Variants in KPNB1 observed in about 807,000 individuals in gnomAD.
KPNB1 encodes karyopherin subunit beta 1.
A neutral mutation model predicts 113.0 loss-of-function variants in KPNB1; 7 were observed. That is an observed-to-expected ratio of 0.06 (90% confidence interval 0.04 to 0.12). The LOEUF (loss-of-function observed/expected upper bound fraction) is 0.12, where lower values mean the gene tolerates loss of function less well. Ranked by LOEUF, KPNB1 falls within the 10% of genes least tolerant of loss-of-function variation. The pLI, the probability that KPNB1 is intolerant of heterozygous loss-of-function variation, is 1.00. For missense variants in KPNB1, 400 were observed against 1,054.8 expected, an observed-to-expected ratio of 0.38 and a Z score of 8.60; for synonymous variants, 363 against 378.6, an observed-to-expected ratio of 0.96 and a Z score of 0.48.
At chr17:47,679,101 T>C (rs920079849) in intron 19 of KPNB1, among the ~76,000 whole-genome samples, 16 of 150,456 alleles carry the variant, frequency 1.1e-4, no homozygotes, top group Non-Finnish European at 2.4e-4. Flanking sequence ...TTTTTTTTTG[T>C]ATTTTAGTAG....
intron 3 of KPNB1, among the ~76,000 whole-genome samples, chr17:47,653,795 T>C (rs561366193): frequency 5.9e-5 from 9 of 152,332 alleles, no homozygotes; most frequent in African/African-American, 2.2e-4. Flanking sequence ...GTTGTGTACC[T>C]CCTTCTGTCA....
rs1347404686 is a variant in KPNB1 at position 47,650,130 on chromosome 17, C to A, written c.-115C>A. On this transcript the variant is annotated 5_prime_UTR_variant, in exon 1 of 22. Coordinates refer to ENST00000290158, the MANE Select transcript of KPNB1 (RefSeq NM_002265.6). ...GAATGGGTTTGTGGTGACCCCCGCCCCCCACCCCACCCTCCCTTCCCACCC... is the reference window on the plus strand; with the variant it reads ...GAATGGGTTTGTGGTGACCCCCGCCACCCACCCCACCCTCCCTTCCCACCC... The A allele has an allele frequency of 4.3e-6, 2 of 461,282 alleles. No individual in the cohort carries two copies. The highest frequency in any genetic ancestry group is 6.1e-6 in the Non-Finnish European group (2 of 330,046). The allele number at this position is 461,282 out of a possible 1,614,324, so 28.6% of individuals were successfully genotyped here. A position where few individuals can be genotyped will look rare whatever the true frequency, so the allele number is the denominator to read the frequency against.
At position 47,654,415 on chromosome 17, in the gene KPNB1, T is replaced by TAAA. The variant is rs374274253; in HGVS notation, c.282+1559_282+1561dup. Among the ~76,000 whole-genome samples the TAAA allele has an allele frequency of 9.2e-5, 11 of 119,880 alleles. No homozygotes were observed. In the South Asian group the frequency reaches 1.0e-3, roughly 11 times the overall value. 78.6% of individuals were successfully genotyped at this position (119,880 alleles called of 152,430 possible). On this transcript the variant is annotated intron_variant, in intron 3 of 21. Transcript: ENST00000290158. ...GGTGACAGAGTGACACTCCATTTCTTAAAAAAAAAAAAAAAAAAAAAATTA... is the reference window on the plus strand; with the variant it reads ...GGTGACAGAGTGACACTCCATTTCTTAAAAAAAAAAAAAAAAAAAAAAAAATTA...
intron 2 of KPNB1, among the ~76,000 whole-genome samples, chr17:47,652,232 A>G (rs1915599945): frequency 6.6e-6 from 1 of 152,174 alleles, no homozygotes; most frequent in African/African-American, 2.4e-5. Flanking sequence ...TTTTGGGACC[A>G]AGGTTTTTGA....
chr17:47,675,363 T>TTTTTTG (rs2030571637), intron 15 of KPNB1, among the ~76,000 whole-genome samples: 1 of 112,416 alleles, frequency 8.9e-6, no homozygotes, highest in African/African-American at 4.0e-5. Context: ...GAGGTGTTGT[T>TTTTTTG]TTTTTTTTGT....
chr17:47,681,686 G>GTTTT (rs59222945), intron 21 of KPNB1, among the ~76,000 whole-genome samples: 68 of 96,042 alleles, frequency 7.1e-4, no homozygotes, highest in Non-Finnish European at 8.9e-4. Context: ...GGAATTATAG[G>GTTTT]TTTTTTTTTT....
chr17:47,669,630 T>A, intron 10 of KPNB1, 48 bp from the exon 11 acceptor site: 1 of 1,406,446 alleles, frequency 7.1e-7, no homozygotes, highest in Non-Finnish European at 9.9e-7. Context: ...GTAGTTAACA[T>A]GAATTTTAAT....
intron 14 of KPNB1, among the ~76,000 whole-genome samples, chr17:47,674,184 C>G (rs1247227780): frequency 6.6e-6 from 1 of 152,150 alleles, no homozygotes; most frequent in Non-Finnish European, 1.5e-5. Flanking sequence ...TGGGAGAAGT[C>G]AGGTTGGTTT....
intron 19 of KPNB1, among the ~76,000 whole-genome samples, chr17:47,679,704 CT>C (rs562746175): frequency 1.2e-4 from 17 of 144,288 alleles, no homozygotes; most frequent in African/African-American, 2.3e-4. Flanking sequence ...TTTTTTTTTT[CT>C]TTTTTTTTTG....
At chr17:47,668,456 T>C in intron 10 of KPNB1, 46 bp downstream of exon 10, 1 of 1,450,390 alleles carries the variant, frequency 6.9e-7, no homozygotes, top group Non-Finnish European at 9.7e-7. Context: ...TATTTATTGT[T>C]TAAACTTAAA....
intron 16 of KPNB1, 25 bp downstream of exon 16, chr17:47,676,516 A>G (rs1567894745): frequency 6.5e-7 from 1 of 1,538,354 alleles, no homozygotes; most frequent in Non-Finnish European, 9.0e-7. Flanking sequence ...TCAAAATAGT[A>G]TGTTCCCATT....
At chr17:47,668,918 A>G (rs916244493) in intron 10 of KPNB1, among the ~76,000 whole-genome samples, 7 of 151,888 alleles carry the variant, frequency 4.6e-5, no homozygotes, top group Non-Finnish European at 8.8e-5. Flanking sequence ...TGCTATTACA[A>G]GTCGTGCCAT....
chr17:47,666,403 T>TGTGTGC (rs1445812144), intron 9 of KPNB1, among the ~76,000 whole-genome samples: 4 of 145,504 alleles, frequency 2.7e-5, no homozygotes, highest in African/African-American at 5.0e-5. Flanking sequence ...TTTGTGTGTG[T>TGTGTGC]GTGTGTGTGT....
At chr17:47,680,231 A>G (rs999819182) in intron 20 of KPNB1, 97 bp downstream of exon 20, 1 of 923,494 alleles carries the variant, frequency 1.1e-6, no homozygotes, top group South Asian at 1.4e-5. Context: ...GGATGGCAAC[A>G]GTTCACTTTT....
At position 47,674,670 on chromosome 17, in the gene KPNB1, T is replaced by C; in HGVS notation, c.1800T>C (p.Ala600=). Residue 600 remains alanine (A), a synonymous_variant, in exon 15 of 22, where the codon GCT becomes GCC. Transcript: ENST00000290158. The part of the protein sequence containing the change: ...NVLRKVQHQD[A]LQISDVVMAS... ...TTCGGAAAGTGCAACATCAAGATGC[T>C]TTGCAGATCTCTGATGTGGTTATGG... 1 of 1,614,154 alleles carries C rather than the reference T, an allele frequency of 6.2e-7. No individual in the cohort carries two copies. The highest frequency in any genetic ancestry group is 8.5e-7 in the Non-Finnish European group (1 of 1,179,980).
intron 19 of KPNB1, 84 bp from the exon 20 acceptor site, chr17:47,679,936 A>G (rs1209053189): frequency 7.6e-6 from 6 of 793,002 alleles, no homozygotes; most frequent in Non-Finnish European, 2.2e-6. Flanking sequence ...TGACCTTGTG[A>G]TCCACCCGCC....
rs2143193231 is a variant in KPNB1, at chr17:47,683,035, G to A, written c.*631G>A. 8.2e-6 allele frequency: 1 copy of A among 122,106 alleles called. No homozygotes were observed. Among genetic ancestry groups the A allele is most frequent in the African/African-American group, 3.1e-5 (1 of 32,250 alleles). 7.6% of individuals were successfully genotyped at this position (122,106 alleles called of 1,614,324 possible). Reference sequence around the variant, plus strand: ...TTTCCCAGAAAACAAGGGGTTAGATGTTGCATTTCATAAAACTAACCGAAG... The same window carrying A: ...TTTCCCAGAAAACAAGGGGTTAGATATTGCATTTCATAAAACTAACCGAAG... On this transcript the variant is annotated 3_prime_UTR_variant, in exon 22 of 22. Coordinates refer to ENST00000290158, the MANE Select transcript of KPNB1 (RefSeq NM_002265.6).
rs1259066472 is a variant in KPNB1, at chr17:47,684,586, C to T, written c.*2182C>T. ...GGATAGAAAAAAAATCTGATCATTCCTCAGTGCTACCCATTTCTGTCCTGT... is the reference window on the plus strand; with the variant it reads ...GGATAGAAAAAAAATCTGATCATTCTTCAGTGCTACCCATTTCTGTCCTGT... On this transcript the variant is annotated 3_prime_UTR_variant, in exon 22 of 22. Transcript: ENST00000290158. The T allele has an allele frequency of 1.3e-5, 2 of 152,468 alleles. No homozygotes were observed. The highest frequency in any genetic ancestry group is 2.9e-5 in the Non-Finnish European group (2 of 68,030). The allele number at this position is 152,468 out of a possible 1,614,324, so 9.4% of individuals were successfully genotyped here. A position where few individuals can be genotyped will look rare whatever the true frequency, so the allele number is the denominator to read the frequency against.
Position 47,680,682 on chromosome 17 carries a change from C to T in KPNB1, c.2630+13C>T, listed in dbSNP as rs757460642. ...AGAACCAAGCTTGGTAAGATCTTGC[C>T]TCCACTGTCCTCTTTCTTCTACTTC... On this transcript the variant is annotated intron_variant, in intron 21 of 21. Transcript: ENST00000290158. 3 of 1,610,788 alleles carry T rather than the reference C, an allele frequency of 1.9e-6. No individual in the cohort carries two copies. Among genetic ancestry groups the T allele is most frequent in the Non-Finnish European group, 2.5e-6 (3 of 1,178,150 alleles).
Sources: gnomAD v4.1 joint callset for allele counts (sites outside exome capture counted in the v4.1 genomes callset) on GRCh38, gnomAD v4.1.1 for gene constraint, MANE v1.5 for transcripts, NCBI Gene and HGNC (gene_info 2026-07-23, HGNC 2026-07-21) for gene names.